Variants in ASIC2 observed in about 807,000 individuals in gnomAD.
The protein encoded by ASIC2 is acid sensing ion channel subunit 2.
In ASIC2, 25 loss-of-function variants were observed where a neutral mutation model predicts 57.3. The ratio of observed to expected loss-of-function variants is 0.44; its 90% CI spans 0.32 to 0.61. The LOEUF (loss-of-function observed/expected upper bound fraction) is 0.61, where lower values mean the gene tolerates loss of function less well. ASIC2 is among the 20% of genes least tolerant of loss of function. The pLI is 0.06. For synonymous variants in ASIC2, 319 were observed against 307.5 expected, an observed-to-expected ratio of 1.04 and a Z score of -0.39; for missense variants, 641 against 738.1, an observed-to-expected ratio of 0.87 and a Z score of 1.52.
Position 33,215,243 on chromosome 17 carries a change from G to A in ASIC2, c.708+76165C>T, listed in dbSNP as rs1255876507. ...ATTCTCATACGATTCTGGGGAGAGG[G>A]TACATTTGGGCAACTGATTGGAAAA... On this transcript the variant is annotated intron_variant, in intron 1 of 9. Coordinates refer to ENST00000225823, the MANE Select transcript of ASIC2 (RefSeq NM_183377.2). Among the ~76,000 whole-genome samples the A allele has an allele frequency of 2.6e-5, 4 of 152,194 alleles. No individual in the cohort carries two copies. The South Asian group carries it at 8.3e-4, about 32-fold the overall frequency.
intron 1 of ASIC2, among the ~76,000 whole-genome samples, chr17:33,510,548 C>T (rs1218537855): frequency 6.6e-6 from 1 of 152,110 alleles, no homozygotes; most frequent in Non-Finnish European, 1.5e-5. Context: ...GGGAGGATTG[C>T]CTGAGCCCAG....
At chr17:33,604,276 T>G (rs957128735) in intron 1 of ASIC2, among the ~76,000 whole-genome samples, 12 of 152,202 alleles carry the variant, frequency 7.9e-5, no homozygotes, top group Admixed American at 2.0e-4. Flanking sequence ...ATTCTGAGGC[T>G]TCCTCCTATA....
At chr17:33,838,814 T>C (rs1174854086) in intron 1 of ASIC2, among the ~76,000 whole-genome samples, 2 of 152,274 alleles carry the variant, frequency 1.3e-5, no homozygotes, top group Non-Finnish European at 2.9e-5. Flanking sequence ...AATGTTATAG[T>C]CTCTGAGGTC....
intron 1 of ASIC2, among the ~76,000 whole-genome samples, chr17:33,162,893 G>A (rs375177775): frequency 7.9e-5 from 12 of 152,154 alleles, no homozygotes; most frequent in South Asian, 2.1e-4. Context: ...ACACTCCTTC[G>A]TCTTTTCTGG....
At chr17:33,436,949 T>C (rs1180584150) in intron 1 of ASIC2, among the ~76,000 whole-genome samples, 1 of 129,626 alleles carries the variant, frequency 7.7e-6, no homozygotes, top group Non-Finnish European at 1.6e-5. Context: ...CACTGCAAGC[T>C]CCGCCTCCCA....
chr17:33,736,166 T>C (rs1178110765), intron 1 of ASIC2, among the ~76,000 whole-genome samples: 2 of 152,118 alleles, frequency 1.3e-5, no homozygotes, highest in African/African-American at 4.8e-5. Context: ...TCAACGGGTC[T>C]GCTGGGCTGG....
intron 1 of ASIC2, among the ~76,000 whole-genome samples, chr17:33,839,849 C>T (rs1913381915): frequency 1.3e-5 from 2 of 152,208 alleles, no homozygotes; most frequent in Non-Finnish European, 2.9e-5. Flanking sequence ...CCTTTCAGCA[C>T]ACCAGAGCCA....
chr17:33,143,261 A>G (rs1904403794), intron 1 of ASIC2, among the ~76,000 whole-genome samples: 3 of 152,192 alleles, frequency 2.0e-5, no homozygotes, highest in Admixed American at 2.0e-4. Flanking sequence ...TTTAGGGACA[A>G]ATATAGGTTG....
chr17:33,072,763 A>G (rs1359235907), intron 3 of ASIC2, among the ~76,000 whole-genome samples: 1 of 152,194 alleles, frequency 6.6e-6, no homozygotes, highest in African/African-American at 2.4e-5. Context: ...GACTCTAGGG[A>G]TGGATTTGCT....
intron 1 of ASIC2, among the ~76,000 whole-genome samples, chr17:33,981,926 A>C (rs894590295): frequency 6.6e-6 from 1 of 152,240 alleles, no homozygotes; most frequent in African/African-American, 2.4e-5. Context: ...GTCTGATTCC[A>C]GGCCAGGCAT....
chr17:33,446,288 C>A (rs1357560565), intron 1 of ASIC2, among the ~76,000 whole-genome samples: 2 of 152,088 alleles, frequency 1.3e-5, no homozygotes, highest in African/African-American at 4.8e-5. Context: ...CTTTAAGAAT[C>A]TGAACATAGT....
intron 1 of ASIC2, among the ~76,000 whole-genome samples, chr17:33,572,768 T>A (rs1369323777): frequency 2.0e-5 from 3 of 152,198 alleles, no homozygotes; most frequent in Non-Finnish European, 4.4e-5. Flanking sequence ...CCTTAGGAGA[T>A]CTGCACGAAG....
chr17:33,581,150 T>C (rs563121365), intron 1 of ASIC2: 44 of 152,356 alleles, frequency 2.9e-4, no homozygotes, highest in African/African-American at 9.9e-4. Context: ...CCATGTGTTC[T>C]TAAAGGCAGA....
intron 1 of ASIC2, among the ~76,000 whole-genome samples, chr17:33,643,707 T>C (rs1303212284): frequency 6.6e-6 from 1 of 152,330 alleles, no homozygotes; most frequent in South Asian, 2.1e-4. Flanking sequence ...AAATTATTAG[T>C]GTCTTAGTTT....
intron 1 of ASIC2, among the ~76,000 whole-genome samples, chr17:33,386,242 C>T (rs1909673041): frequency 6.6e-6 from 1 of 152,164 alleles, no homozygotes; most frequent in Admixed American, 6.5e-5. Flanking sequence ...CCACCCTTGA[C>T]CTCTAGAGAC....
chr17:34,028,570 T>C (rs992355212), intron 1 of ASIC2, among the ~76,000 whole-genome samples: 1 of 152,234 alleles, frequency 6.6e-6, no homozygotes, highest in African/African-American at 2.4e-5. Context: ...GCATGGATGC[T>C]ATCTCATTTA....
rs191784519 is a variant in ASIC2, at chr17:33,878,355, C to T, written c.555+277623G>A. The stretch of plus-strand genomic sequence containing the variant: ...AACCCATAGCAAACAAGTTAAAAAC[C>T]TTGAAAAAAATTAGACAAATGGCTA... On this transcript the variant is annotated intron_variant, in intron 1 of 9. Coordinates refer to the ASIC2 transcript ENST00000359872. Among the ~76,000 whole-genome samples, 179 of 152,150 alleles carry T rather than the reference C, an allele frequency of 1.2e-3. 1 individual carries two copies. The highest frequency in any genetic ancestry group is 2.4e-3 in the Non-Finnish European group (160 of 67,990).
At chr17:34,049,618 T>C (rs760081879) in intron 1 of ASIC2, among the ~76,000 whole-genome samples, 5 of 152,166 alleles carry the variant, frequency 3.3e-5, no homozygotes, top group Non-Finnish European at 7.3e-5. Flanking sequence ...TCAGATCCAA[T>C]GGTCATGCAC....
intron 1 of ASIC2, among the ~76,000 whole-genome samples, chr17:33,248,994 G>A (rs1405499103): frequency 6.6e-6 from 1 of 152,198 alleles, no homozygotes; most frequent in Non-Finnish European, 1.5e-5. Flanking sequence ...CTGCTAGGGG[G>A]CTTCTGGAGT....
Sources: gnomAD v4.1 joint callset for allele counts (sites outside exome capture counted in the v4.1 genomes callset) on GRCh38, gnomAD v4.1.1 for gene constraint, MANE v1.5 for transcripts, NCBI Gene and HGNC (gene_info 2026-07-23, HGNC 2026-07-21) for gene names.